The following KCNU1 variants were observed in gnomAD, a reference collection of about 807,000 sequenced individuals.
KCNU1 encodes potassium calcium-activated channel subfamily U member 1.
Under a neutral mutation model 126.8 loss-of-function variants are expected in KCNU1, and 93 were observed. The observed-to-expected ratio is 0.73, with a 90% CI of 0.62 to 0.87. The LOEUF is 0.87. Ranked by LOEUF, KCNU1 falls within the 40% of genes least tolerant of loss-of-function variation. The pLI is 0.00. For missense variants in KCNU1, 1,330 were observed against 1,367.1 expected, an observed-to-expected ratio of 0.97 and a Z score of 0.43; for synonymous variants, 523 against 494.2, an observed-to-expected ratio of 1.06 and a Z score of -0.77.
intron 19 of KCNU1, among the ~76,000 whole-genome samples, chr8:36,905,367 A>G (rs570738819): frequency 6.6e-6 from 1 of 152,146 alleles, no homozygotes; most frequent in African/African-American, 2.4e-5. Flanking sequence ...TGCCCAAAAC[A>G]CTGCTCATGA....
intron 19 of KCNU1, among the ~76,000 whole-genome samples, chr8:36,866,571 C>T (rs778998776): frequency 6.6e-6 from 1 of 152,136 alleles, no homozygotes; most frequent in African/African-American, 2.4e-5. Context: ...CTATTTCCAA[C>T]AACAAAACAG....
chr8:36,878,843 T>A (rs1041800215), intron 19 of KCNU1, among the ~76,000 whole-genome samples: 2 of 148,020 alleles, frequency 1.4e-5, no homozygotes, highest in Non-Finnish European at 3.0e-5. Context: ...ATTTACATAT[T>A]TTATATAAAA....
chr8:36,864,330 C>T (rs1805826474), intron 18 of KCNU1, 74 bp from the exon 19 acceptor site: 3 of 944,268 alleles, frequency 3.2e-6, no homozygotes, highest in South Asian at 2.6e-5. Flanking sequence ...ATAAATGGCT[C>T]AGCCAAGGGG....
intron 18 of KCNU1, among the ~76,000 whole-genome samples, chr8:36,851,726 A>C (rs965605075): frequency 6.6e-6 from 1 of 152,104 alleles, no homozygotes; most frequent in African/African-American, 2.4e-5. Context: ...GCTATTGTAA[A>C]TAAAATTGTT....
intron 2 of KCNU1, among the ~76,000 whole-genome samples, chr8:36,788,761 T>C (rs28502548): frequency 0.16 from 24,726 of 152,216 alleles, 2,188 homozygotes; most frequent in Admixed American, 0.29. Context: ...AAGGATTTTG[T>C]AATTCTCTCT....
chr8:36,918,753 T>C (rs1808221795), intron 22 of KCNU1, 70 bp from the exon 23 acceptor site: 2 of 921,336 alleles, frequency 2.2e-6, no homozygotes, highest in South Asian at 2.7e-5. Flanking sequence ...TTACATTATA[T>C]TCTTCTACAT....
At chr8:36,852,321 C>G (rs1805379354) in intron 18 of KCNU1, among the ~76,000 whole-genome samples, 1 of 152,020 alleles carries the variant, frequency 6.6e-6, no homozygotes, top group South Asian at 2.1e-4. Context: ...AAATTTTGGT[C>G]TTTAGGTTCC....
intron 14 of KCNU1, 52 bp from the exon 15 acceptor site, chr8:36,840,403 AATTCTAAC>A: frequency 1.3e-6 from 1 of 793,048 alleles, no homozygotes; most frequent in Non-Finnish European, 2.2e-6. Flanking sequence ...ATGCAATGTG[AATTCTAAC>A]ATTCTACATT....
intron 19 of KCNU1, among the ~76,000 whole-genome samples, chr8:36,900,927 G>T (rs575781995): frequency 6.6e-6 from 1 of 152,062 alleles, no homozygotes; most frequent in South Asian, 2.1e-4. Flanking sequence ...CTCAAATCTT[G>T]CCCCAAAAAT....
chr8:36,805,708 C>T (rs986517353), intron 4 of KCNU1, among the ~76,000 whole-genome samples: 2 of 152,102 alleles, frequency 1.3e-5, no homozygotes, highest in African/African-American at 2.4e-5. Context: ...TTAAATATTT[C>T]TCTCACTTTA....
At chr8:36,815,448 G>T (rs1007393222) in intron 8 of KCNU1, 148 bp from the exon 9 acceptor site, 39 of 469,856 alleles carry the variant, frequency 8.3e-5, no homozygotes, top group Non-Finnish European at 1.3e-4. Flanking sequence ...AAATAAGGAA[G>T]AAAAACGAGG....
rs559243361 is a variant in KCNU1, at chr8:36,828,569, T to G, written c.1107-4985T>G. Among the ~76,000 whole-genome samples, 21 of 152,226 alleles carry G rather than the reference T, an allele frequency of 1.4e-4. No individual in the cohort carries two copies. In the East Asian group the frequency reaches 3.9e-3, roughly 28 times the overall value. On this transcript the variant is annotated intron_variant, in intron 10 of 26. Transcript: ENST00000399881. ...GTTTATATTATGTTAGTAAGATGCTTTCATATTTTTGAATGTTGCTGTAGT... is the reference window on the plus strand; with the variant it reads ...GTTTATATTATGTTAGTAAGATGCTGTCATATTTTTGAATGTTGCTGTAGT...
Position 36,913,825 on chromosome 8 carries a change from T to A in KCNU1, c.2521+2706T>A, listed in dbSNP as rs4739452. ...ACCGTGTTAGCCAGGATAGTCTCGA[T>A]CTCCTGACCTTGTGATCCGTCTGCC... On this transcript the variant is annotated intron_variant, in intron 22 of 26. Coordinates refer to ENST00000399881, the MANE Select transcript of KCNU1 (RefSeq NM_001031836.3). 9.1e-4 allele frequency among the ~76,000 whole-genome samples: 138 copies of A among 152,084 alleles called. 1 individual carries two copies. Among genetic ancestry groups the A allele is most frequent in the Admixed American group, 7.3e-3 (112 of 15,292 alleles).
Position 36,784,425 on chromosome 8 carries a change from G to C in KCNU1, c.15G>C (p.Lys5Asn), listed in dbSNP as rs758102879. 5.6e-6 allele frequency: 9 copies of C among 1,612,672 alleles called. No homozygotes were observed. The highest frequency in any genetic ancestry group is 2.2e-5 in the South Asian group (2 of 90,808). The change falls in exon 1 of 27, where the codon AAG (lysine) becomes AAC (asparagine). Residue 5 changes from lysine to asparagine, a missense_variant. This residue lies in a region of KCNU1 where 247 missense variants were observed against 255.4 expected (regional missense o/e 0.97). Coordinates refer to ENST00000399881, the MANE Select transcript of KCNU1 (RefSeq NM_001031836.3). ...ATGTCTCGAACATGTTTCAGACTAA[G>C]CTACGAAATGAAACTTGGGAAGACT... MFQT[K>N]LRNETWEDLP... is the part of the protein sequence containing the mutation.
chr8:36,930,812 A>G (rs1767547848), intron 24 of KCNU1, 139 bp from the exon 25 acceptor site: 1 of 530,232 alleles, frequency 1.9e-6, no homozygotes, highest in Non-Finnish European at 3.1e-6. Flanking sequence ...TGCATTAGAT[A>G]ATAATAATGA....
Position 36,836,774 on chromosome 8 carries a change from G to C in KCNU1, c.1366-19G>C. On this transcript the variant is annotated intron_variant, in intron 13 of 26. Coordinates refer to ENST00000399881, the MANE Select transcript of KCNU1 (RefSeq NM_001031836.3). ...TGTGTTTATTCCTAATGTTTGACCT[G>C]CTTTGTGCTATGGAACAGGTTTATC... 6.2e-7 allele frequency: 1 copy of C among 1,612,728 alleles called. No homozygotes were observed. Among genetic ancestry groups the C allele is most frequent in the Non-Finnish European group, 8.5e-7 (1 of 1,178,938 alleles).
intron 2 of KCNU1, among the ~76,000 whole-genome samples, chr8:36,803,229 C>G (rs1803375278): frequency 1.3e-5 from 2 of 152,096 alleles, no homozygotes; most frequent in Admixed American, 6.5e-5. Flanking sequence ...CAAGGAATAT[C>G]TGAGCTAAAA....
intron 10 of KCNU1, among the ~76,000 whole-genome samples, chr8:36,818,036 A>G (rs1452328447): frequency 6.6e-6 from 1 of 152,194 alleles, no homozygotes; most frequent in Non-Finnish European, 1.5e-5. Flanking sequence ...ATACATGACT[A>G]TAATCTTATG....
chr8:36,881,796 T>TCACACACACA (rs10522369), intron 19 of KCNU1, among the ~76,000 whole-genome samples: 110 of 138,924 alleles, frequency 7.9e-4, no homozygotes, highest in Middle Eastern at 3.7e-3. Context: ...AAAAGTCAAA[T>TCACACACACA]CACACACACA....
Sources: gnomAD v4.1 joint callset for allele counts (sites outside exome capture counted in the v4.1 genomes callset) on GRCh38, gnomAD v4.1.1 for gene constraint, gnomAD v4.1.1 regional missense constraint, MANE v1.5 for transcripts, NCBI Gene and HGNC (gene_info 2026-07-23, HGNC 2026-07-21) for gene names.